The following PRKCE variants were observed in gnomAD, a reference collection of about 807,000 sequenced individuals.
PRKCE encodes the protein protein kinase C epsilon type.
Under a neutral mutation model 85.4 loss-of-function variants are expected in PRKCE, and 16 were observed. The ratio of observed to expected loss-of-function variants is 0.19; its 90% confidence interval spans 0.13 to 0.28. PRKCE has a LOEUF of 0.28. Ranked by LOEUF, PRKCE falls within the 10% of genes least tolerant of loss-of-function variation. The pLI is 1.00. For synonymous variants in PRKCE, 388 were observed against 371.5 expected (o/e 1.04, Z -0.51); for missense variants, 573 against 975.2 (o/e 0.59, Z 5.49).
chr2:46,034,248 A>T (rs772928550), intron 10 of PRKCE, among the ~76,000 whole-genome samples: 3 of 152,198 alleles, frequency 2.0e-5, no homozygotes, highest in Non-Finnish European at 4.4e-5. Flanking sequence ...CTTCCATGTT[A>T]TCCTTAGATA....
intron 1 of PRKCE, among the ~76,000 whole-genome samples, chr2:45,760,106 A>G (rs1379470049): frequency 6.6e-6 from 1 of 152,194 alleles, no homozygotes; most frequent in African/African-American, 2.4e-5. Flanking sequence ...TGAGGTGATC[A>G]GGGAAGGTTA....
chr2:45,936,909 T>C (rs1303865289), intron 2 of PRKCE, among the ~76,000 whole-genome samples: 1 of 152,204 alleles, frequency 6.6e-6, no homozygotes, highest in Non-Finnish European at 1.5e-5. Context: ...CTCTTGTACT[T>C]TCAGGCTATA....
At chr2:45,725,524 CCTT>C (rs1680984809) in intron 1 of PRKCE, among the ~76,000 whole-genome samples, 1 of 152,026 alleles carries the variant, frequency 6.6e-6, no homozygotes, top group African/African-American at 2.4e-5. Context: ...CAATTGAAAA[CCTT>C]CTGGAAAGGA....
At chr2:46,166,964 C>T (rs1678402644) in intron 14 of PRKCE, 1 of 152,214 alleles carries the variant, frequency 6.6e-6, no homozygotes, top group Non-Finnish European at 1.5e-5. Flanking sequence ...GCACTCCAGC[C>T]TGGGAGACAA....
intron 1 of PRKCE, among the ~76,000 whole-genome samples, chr2:45,798,017 G>A (rs1437231251): frequency 6.6e-6 from 1 of 152,192 alleles, no homozygotes; most frequent in Non-Finnish European, 1.5e-5. Context: ...ACTCCTGTGA[G>A]GAATTCTTGG....
Position 45,997,254 on chromosome 2 carries a change from C to T in PRKCE, c.824-4150C>T, listed in dbSNP as rs938650929. On this transcript the variant is annotated intron_variant, in intron 6 of 14. Transcript: ENST00000306156. ...GGCTTATTGAGTCTATTGCTCTTTA[C>T]AAAGAACCAGCTTTTTGTTGTTGGT... Among the ~76,000 whole-genome samples the T allele has an allele frequency of 5.3e-5, 8 of 152,116 alleles. No homozygotes were observed. The South Asian group carries it at 1.7e-3, about 32-fold the overall frequency.
At chr2:45,928,413 A>T (rs13014267) in intron 2 of PRKCE, among the ~76,000 whole-genome samples, 1 of 151,996 alleles carries the variant, frequency 6.6e-6, no homozygotes, top group East Asian at 1.9e-4. Flanking sequence ...GATTACAGGC[A>T]CACACCACCA....
chr2:45,762,956 C>CTTCT (rs1684631520), intron 1 of PRKCE, among the ~76,000 whole-genome samples: 28 of 135,422 alleles, frequency 2.1e-4, no homozygotes, highest in African/African-American at 4.0e-4. Flanking sequence ...TTCTTTTCTT[C>CTTCT]TTTTTTTTTT....
At chr2:45,998,577 A>G (rs1704408467) in intron 6 of PRKCE, among the ~76,000 whole-genome samples, 1 of 152,114 alleles carries the variant, frequency 6.6e-6, no homozygotes. Flanking sequence ...ACATATAGTT[A>G]GTTGGGTCTT....
chr2:46,067,849 G>C (rs1667756435), intron 10 of PRKCE, among the ~76,000 whole-genome samples: 2 of 152,138 alleles, frequency 1.3e-5, no homozygotes, highest in African/African-American at 4.8e-5. Context: ...TATAACGCAA[G>C]GTAGGGGTAC....
chr2:45,662,444 T>C (rs985942678), intron 1 of PRKCE, among the ~76,000 whole-genome samples: 8 of 152,166 alleles, frequency 5.3e-5, no homozygotes, highest in African/African-American at 1.9e-4. Context: ...CTAATTTTTT[T>C]TCTCTCTCTA....
At chr2:46,103,205 G>T (rs1671401284) in intron 11 of PRKCE, among the ~76,000 whole-genome samples, 1 of 152,174 alleles carries the variant, frequency 6.6e-6, no homozygotes, top group Admixed American at 6.5e-5. Context: ...CTTATTGGGA[G>T]CTCCATTAGG....
rs755680404 is a variant in PRKCE at position 45,652,090 on chromosome 2, C to G, written c.-11C>G. ...ACGGAGTGACCCCGGCCCCCACTCC[C>G]CGCCCCGACCATGGTAGTGTTCAAT... On this transcript the variant is annotated 5_prime_UTR_variant, in exon 1 of 15. Coordinates refer to ENST00000306156, the MANE Select transcript of PRKCE (RefSeq NM_005400.3). The surrounding 1 kb of genome is among the most constrained non-coding windows in gnomAD (Gnocchi z 7.7). The G allele has an allele frequency of 1.3e-6, 2 of 1,528,186 alleles. No individual in the cohort carries two copies. Among genetic ancestry groups the G allele is most frequent in the Non-Finnish European group, 1.8e-6 (2 of 1,133,192 alleles). 94.7% of individuals were successfully genotyped at this position (1,528,186 alleles called of 1,614,324 possible).
chr2:45,884,899 G>A (rs1219990161), intron 2 of PRKCE, among the ~76,000 whole-genome samples: 5 of 136,208 alleles, frequency 3.7e-5, no homozygotes, highest in African/African-American at 1.1e-4. Flanking sequence ...ATATACACAC[G>A]GACACAGACA....
At chr2:46,181,444 C>T (rs1300313427) in intron 14 of PRKCE, among the ~76,000 whole-genome samples, 2 of 152,222 alleles carry the variant, frequency 1.3e-5, no homozygotes, top group African/African-American at 4.8e-5. Context: ...ATGGCATACT[C>T]TCTCAAATGC....
intron 3 of PRKCE, 50 bp from the exon 4 acceptor site, chr2:45,978,926 G>C: frequency 6.4e-7 from 1 of 1,568,540 alleles, no homozygotes; most frequent in Non-Finnish European, 8.7e-7. Context: ...TTTGTTTTTT[G>C]ACCTGGTAAG....
chr2:46,107,761 G>A (rs1271091634), intron 11 of PRKCE, among the ~76,000 whole-genome samples: 3 of 152,108 alleles, frequency 2.0e-5, no homozygotes, highest in Admixed American at 1.3e-4. Context: ...CTAATAGGTG[G>A]GTAGTGGTGT....
intron 10 of PRKCE, among the ~76,000 whole-genome samples, chr2:46,055,992 T>C (rs185955738): frequency 6.6e-6 from 1 of 152,210 alleles, no homozygotes; most frequent in East Asian, 1.9e-4. Context: ...TGCCAACCCA[T>C]TGTGGATAAA....
At position 45,912,922 on chromosome 2, in the gene PRKCE, C is replaced by T. The variant is rs537154307; in HGVS notation, c.413-63507C>T. ...AGTCCTGATGGAGTTCAAGCCCATA[C>T]CTTATGGGGCCATTCTGAGGACACA... On this transcript the variant is annotated intron_variant, in intron 2 of 14. Coordinates refer to ENST00000306156, the MANE Select transcript of PRKCE (RefSeq NM_005400.3). 9.2e-5 allele frequency among the ~76,000 whole-genome samples: 14 copies of T among 152,264 alleles called. No homozygotes were observed. In the Middle Eastern group the frequency reaches 0.014, roughly 148 times the overall value.
Sources: allele counts gnomAD v4.1 joint callset (sites outside exome capture counted in the v4.1 genomes callset), GRCh38; gene constraint gnomAD v4.1.1; non-coding constraint Gnocchi (gnomAD v3.1); transcripts MANE v1.5; gene names NCBI Gene and HGNC (gene_info 2026-07-23, HGNC 2026-07-21).